The following DNAH8 variants were observed in gnomAD, a reference collection of about 807,000 sequenced individuals.
DNAH8 encodes axonemal beta dynein heavy chain 8.
DNAH8 carries 382 observed loss-of-function variants against 562.1 expected under a neutral mutation model. The ratio of observed to expected loss-of-function variants is 0.68; its 90% confidence interval spans 0.63 to 0.74. The LOEUF is 0.74. Among genes scored for constraint, DNAH8 ranks in the 30% least tolerant of loss-of-function variants. The probability of loss-of-function intolerance (pLI) is 0.00; values close to 1 mark genes in which losing one functional copy is unlikely to be tolerated. For synonymous variants in DNAH8, 1,881 were observed against 1,919.4 expected (o/e 0.98, Z 0.52); for missense variants, 5,203 against 5,620.4 (o/e 0.93, Z 2.37).
At position 38,734,505 on chromosome 6, in the gene DNAH8, A is replaced by T; in HGVS notation, c.642A>T (p.Lys214Asn). The T allele has an allele frequency of 6.2e-7, 1 of 1,613,878 alleles. No homozygotes were observed. The highest frequency in any genetic ancestry group is 8.5e-7 in the Non-Finnish European group (1 of 1,179,958). Residue 214 changes from lysine (K) to asparagine (N), a missense_variant, in exon 5 of 93, where the codon AAA (lysine) becomes AAT (asparagine). Lys to Asn is a moderately conservative substitution (Grantham distance 94, BLOSUM62 0). This residue lies in a region of DNAH8 where 556 missense variants were observed against 496.9 expected (regional missense o/e 1.12). Coordinates refer to ENST00000327475, the MANE Select transcript of DNAH8 (RefSeq NM_001206927.2). ...ECGRTIAGAT[K>N]GAKMMKLYID... ...GTCGAACTATTGCTGGAGCAACTAA[A>T]GGGGCAAAAATGATGAAATTGTATA...
Position 38,923,988 on chromosome 6 carries a change from C to G in DNAH8, c.10791-3C>G. 1.2e-6 allele frequency: 2 copies of G among 1,613,736 alleles called. No individual in the cohort carries two copies. The highest frequency in any genetic ancestry group is 1.7e-6 in the Non-Finnish European group (2 of 1,179,802). ...GGGAGGGGGCTGTGTGTTTTCTTCA[C>G]AGACTTGTAGGTGATATTCTGCTGT... On this transcript the variant is annotated splice_region_variant and splice_polypyrimidine_tract_variant and intron_variant, in intron 72 of 92. Coordinates refer to ENST00000327475, the MANE Select transcript of DNAH8 (RefSeq NM_001206927.2).
rs552190160 is a variant in DNAH8, at chr6:38,949,222, C to T, written c.12130-230C>T. On this transcript the variant is annotated intron_variant, in intron 80 of 92. Coordinates refer to ENST00000327475, the MANE Select transcript of DNAH8 (RefSeq NM_001206927.2). ...CCAATCATTTGGTGCAGTTGACACA[C>T]GATCCTAATTGTAGCGAATAATGTA... Among the ~76,000 whole-genome samples the T allele has an allele frequency of 3.1e-4, 47 of 152,210 alleles. 2 individuals carry two copies. The South Asian group carries it at 7.7e-3, about 25-fold the overall frequency.
chr6:38,906,119 G>A (rs540292145), intron 62 of DNAH8, 135 bp from the exon 63 acceptor site: 217 of 455,684 alleles, frequency 4.8e-4, no homozygotes, highest in African/African-American at 4.0e-3. Context: ...ATGTTGGTCA[G>A]GATGGTCTCG....
chr6:38,790,470 A>C lies in DNAH8; in HGVS notation c.2781+65A>C, dbSNP rs541641927. The C allele has an allele frequency of 8.6e-5, 67 of 774,700 alleles. 2 individuals are homozygous for C. In the South Asian group the frequency reaches 1.1e-3, roughly 13 times the overall value. 48.0% of individuals were successfully genotyped at this position (774,700 alleles called of 1,614,324 possible). On this transcript the variant is annotated intron_variant, in intron 20 of 92. Transcript: ENST00000327475. The stretch of plus-strand genomic sequence containing the variant: ...TCAGGATATAAGTAATAGTTTGATT[A>C]TTATGAAAGCTCTTTAAAGGGTATG...
At chr6:38,919,842 A>T (rs1409824193) in intron 70 of DNAH8, among the ~76,000 whole-genome samples, 1 of 152,196 alleles carries the variant, frequency 6.6e-6, no homozygotes, top group Non-Finnish European at 1.5e-5. Flanking sequence ...ACATCAAAGA[A>T]ACTAAACATT....
In DNAH8 at chr6:38,761,389, T is replaced by A. The variant is rs753220560; in HGVS notation, c.1516-313T>A. 2.5e-3 allele frequency among the ~76,000 whole-genome samples: 382 copies of A among 150,866 alleles called. 1 individual carries two copies. Among genetic ancestry groups the A allele is most frequent in the Non-Finnish European group, 4.9e-3 (329 of 67,756 alleles). ...TACCAATTGATGGTCAGTTCATCAATAGAATTTGTTTTAAAATTCTGACAA... is the reference window on the plus strand; with the variant it reads ...TACCAATTGATGGTCAGTTCATCAAAAGAATTTGTTTTAAAATTCTGACAA... On this transcript the variant is annotated intron_variant, in intron 10 of 92. Coordinates refer to ENST00000327475, the MANE Select transcript of DNAH8 (RefSeq NM_001206927.2).
intron 74 of DNAH8, among the ~76,000 whole-genome samples, chr6:38,926,524 C>T (rs1027109107): frequency 3.3e-5 from 5 of 152,080 alleles, no homozygotes; most frequent in Non-Finnish European, 7.4e-5. Flanking sequence ...CATTGTGATC[C>T]CTCAGTTCAA....
At chr6:38,895,926 C>A in intron 59 of DNAH8, 107 bp from the exon 60 acceptor site, 1 of 878,400 alleles carries the variant, frequency 1.1e-6, no homozygotes. Flanking sequence ...TTTCCCTGTC[C>A]TGAATTGAGA....
intron 91 of DNAH8, among the ~76,000 whole-genome samples, chr6:39,023,752 C>T (rs1217432459): frequency 1.3e-5 from 2 of 152,152 alleles, no homozygotes; most frequent in Non-Finnish European, 2.9e-5. Flanking sequence ...CTTTAGGAAG[C>T]AGAGACAAAA....
intron 74 of DNAH8, among the ~76,000 whole-genome samples, chr6:38,927,636 T>A (rs1782222278): frequency 6.6e-6 from 1 of 152,122 alleles, no homozygotes; most frequent in Non-Finnish European, 1.5e-5. Context: ...CCCATTCCCC[T>A]TGGCTCCCCT....
chr6:38,715,960 A>ATATATATATATAT (rs1372342002), intron 1 of DNAH8, among the ~76,000 whole-genome samples: 2 of 23,636 alleles, frequency 8.5e-5, no homozygotes, highest in Admixed American at 6.7e-4. Flanking sequence ...ATATATATAT[A>ATATATATATATAT]TTTTTTTTTT....
intron 74 of DNAH8, among the ~76,000 whole-genome samples, 192 bp downstream of exon 74, chr6:38,926,402 C>T (rs945728195): frequency 8.4e-5 from 11 of 130,328 alleles, no homozygotes; most frequent in Middle Eastern, 7.1e-3. Context: ...TCTTTGGATC[C>T]TCCCTCCCCC....
At chr6:39,001,188 T>C (rs550246108) in intron 88 of DNAH8, among the ~76,000 whole-genome samples, 1 of 152,174 alleles carries the variant, frequency 6.6e-6, no homozygotes, top group South Asian at 2.1e-4. Flanking sequence ...TGGAATACGG[T>C]TATTTAATCA....
intron 82 of DNAH8, among the ~76,000 whole-genome samples, chr6:38,970,788 C>A (rs1321601221): frequency 6.6e-6 from 1 of 152,132 alleles, no homozygotes; most frequent in African/African-American, 2.4e-5. Flanking sequence ...AATTTGGGTC[C>A]ACAAGGGCTT....
intron 58 of DNAH8, among the ~76,000 whole-genome samples, 183 bp from the exon 59 acceptor site, chr6:38,894,518 A>G (rs1272791124): frequency 2.6e-5 from 4 of 152,194 alleles, no homozygotes; most frequent in Non-Finnish European, 5.9e-5. Context: ...GGTCTTTTAA[A>G]TCCTAAGTTG....
chr6:38,805,991 T>TC (rs2150303453), intron 23 of DNAH8, among the ~76,000 whole-genome samples: 1 of 152,340 alleles, frequency 6.6e-6, no homozygotes, highest in Non-Finnish European at 1.5e-5. Flanking sequence ...GGCTCAGGGA[T>TC]CTGCATTTTA....
In DNAH8 at chr6:38,875,736, C is replaced by G. The variant is rs1777946722; in HGVS notation, c.7766C>G (p.Ala2589Gly). ...LELESREKLE[A>G]FLRQHESKLD... The stretch of plus-strand genomic sequence containing the variant: ...TTAGAAAGCAGAGAAAAGCTTGAAG[C>G]CTTCTTACGGCAGCATGAAAGCAAG... Residue 2589 changes from alanine (A) to glycine (G), a missense_variant, in exon 53 of 93, where the codon GCC (alanine) becomes GGC (glycine). By Grantham distance (60) the Ala-to-Gly change is moderately conservative. Transcript: ENST00000327475. 1.2e-6 allele frequency: 2 copies of G among 1,613,826 alleles called. No individual in the cohort carries two copies. Among genetic ancestry groups the G allele is most frequent in the Middle Eastern group, 3.3e-4 (2 of 6,082 alleles).
intron 79 of DNAH8, among the ~76,000 whole-genome samples, chr6:38,940,740 T>C (rs1205355139): frequency 1.3e-5 from 2 of 152,124 alleles, no homozygotes; most frequent in Non-Finnish European, 2.9e-5. Context: ...CAGTTCCCCG[T>C]GTGTTTGAAA....
chr6:38,828,160 C>T, intron 29 of DNAH8, 24 bp from the exon 30 acceptor site: 6 of 1,490,250 alleles, frequency 4.0e-6, no homozygotes, highest in Non-Finnish European at 5.5e-6. Flanking sequence ...TGTGATATTT[C>T]TAAACTCCAC....
Sources: gnomAD v4.1 joint callset for allele counts (sites outside exome capture counted in the v4.1 genomes callset) on GRCh38, gnomAD v4.1.1 for gene constraint, gnomAD v4.1.1 regional missense constraint, MANE v1.5 for transcripts, NCBI Gene and HGNC (gene_info 2026-07-23, HGNC 2026-07-21) for gene names.